Variants in MICU1 observed in about 807,000 individuals in gnomAD.
MICU1 encodes calcium uptake protein 1, mitochondrial.
In MICU1, 45 loss-of-function variants were observed where a neutral mutation model predicts 56.8. The observed-to-expected ratio is 0.79, with a 90% CI of 0.62 to 1.02. MICU1 has a LOEUF of 1.02. Among genes scored for constraint, MICU1 ranks in the 50% least tolerant of loss-of-function variants. The probability of loss-of-function intolerance (pLI) is 0.00; values close to 1 mark genes in which losing one functional copy is unlikely to be tolerated. For missense variants in MICU1, 504 were observed against 587.1 expected (o/e 0.86, Z 1.46); for synonymous variants, 186 against 195.1 (o/e 0.95, Z 0.39).
intron 11 of MICU1, among the ~76,000 whole-genome samples, chr10:72,375,212 T>C (rs1432879115): frequency 1.3e-5 from 2 of 152,116 alleles, no homozygotes; most frequent in African/African-American, 2.4e-5. Flanking sequence ...ATAGTAAGCA[T>C]TGAAAAAGTG....
intron 1 of MICU1, among the ~76,000 whole-genome samples, chr10:72,576,813 T>A (rs912044189): frequency 6.6e-5 from 10 of 152,228 alleles, no homozygotes; most frequent in African/African-American, 7.2e-5. Context: ...TAGGGGCTAA[T>A]GTACCTAGTG....
chr10:72,502,583 A>G (rs1867115497), intron 6 of MICU1, among the ~76,000 whole-genome samples: 1 of 152,178 alleles, frequency 6.6e-6, no homozygotes, highest in Admixed American at 6.5e-5. Flanking sequence ...GTAACAGATG[A>G]ATGCATATGC....
At chr10:72,456,058 TA>T (rs1360365821) in intron 8 of MICU1, among the ~76,000 whole-genome samples, 1 of 152,182 alleles carries the variant, frequency 6.6e-6, no homozygotes, top group African/African-American at 2.4e-5. Context: ...CTCTATTCAC[TA>T]GACTCAAAGC....
chr10:72,404,246 A>C (rs1863557226), intron 10 of MICU1, among the ~76,000 whole-genome samples: 1 of 152,016 alleles, frequency 6.6e-6, no homozygotes, highest in African/African-American at 2.4e-5. Flanking sequence ...CACCTTCCAA[A>C]GTGCTGGAAT....
At chr10:72,467,886 A>T (rs1286721977) in intron 8 of MICU1, 1 of 148,198 alleles carries the variant, frequency 6.7e-6, no homozygotes, top group Non-Finnish European at 1.5e-5. Context: ...ATGAGACTGG[A>T]GTGCAATGGC....
At chr10:72,423,083 C>T in intron 9 of MICU1, 151 bp downstream of exon 9, 1 of 1,058,690 alleles carries the variant, frequency 9.4e-7, no homozygotes, top group South Asian at 1.8e-5. Flanking sequence ...TTGCTTATTT[C>T]TTTTCTCCCT....
intron 6 of MICU1, among the ~76,000 whole-genome samples, chr10:72,488,593 C>A (rs1160797600): frequency 6.6e-6 from 1 of 152,128 alleles, no homozygotes; most frequent in Non-Finnish European, 1.5e-5. Context: ...AGAATTGCTA[C>A]TAGCAATAAC....
At chr10:72,464,459 G>C (rs1276360775) in intron 8 of MICU1, among the ~76,000 whole-genome samples, 1 of 152,132 alleles carries the variant, frequency 6.6e-6, no homozygotes, top group Admixed American at 6.6e-5. Flanking sequence ...CAAGGAGAAA[G>C]CAGTACATGT....
chr10:72,425,334 A>G (rs1253803167), intron 8 of MICU1, among the ~76,000 whole-genome samples: 1 of 152,240 alleles, frequency 6.6e-6, no homozygotes, highest in Non-Finnish European at 1.5e-5. Flanking sequence ...TTCATGGTTG[A>G]AAAGTTTCTT....
chr10:72,542,560 A>C (rs1047364570), intron 4 of MICU1, among the ~76,000 whole-genome samples: 5 of 152,172 alleles, frequency 3.3e-5, no homozygotes, highest in Non-Finnish European at 7.4e-5. Context: ...AGCAGGAGCA[A>C]ACGCCGTACG....
At chr10:72,514,461 C>T (rs912400858) in intron 5 of MICU1, among the ~76,000 whole-genome samples, 2 of 152,002 alleles carry the variant, frequency 1.3e-5, no homozygotes, top group Admixed American at 6.6e-5. Context: ...GCATTCTTCC[C>T]CTTCCTCAGG....
At chr10:72,415,834 A>T (rs895795151) in intron 9 of MICU1, among the ~76,000 whole-genome samples, 11 of 152,222 alleles carry the variant, frequency 7.2e-5, no homozygotes, top group African/African-American at 2.7e-4. Flanking sequence ...ATTAGTAAGA[A>T]GGCTATGGAC....
intron 5 of MICU1, among the ~76,000 whole-genome samples, chr10:72,526,260 T>C (rs915693327): frequency 1.3e-5 from 2 of 152,178 alleles, no homozygotes; most frequent in African/African-American, 4.8e-5. Context: ...GGATATGAAA[T>C]GTTGAATTTG....
chr10:72,523,949 AT>A, intron 5 of MICU1: 1 of 1,417,952 alleles, frequency 7.1e-7, no homozygotes, highest in South Asian at 1.6e-5. Flanking sequence ...TAGGTGTCCC[AT>A]TTGTTTCCCC....
intron 10 of MICU1, among the ~76,000 whole-genome samples, chr10:72,377,142 C>T (rs533594188): frequency 8.0e-4 from 120 of 150,842 alleles, no homozygotes; most frequent in African/African-American, 2.6e-3. Context: ...TTTTTTGAGA[C>T]AGAGTCTTAC....
chr10:72,388,662 C>T (rs1182829041), intron 10 of MICU1, among the ~76,000 whole-genome samples: 1 of 152,146 alleles, frequency 6.6e-6, no homozygotes, highest in Non-Finnish European at 1.5e-5. Context: ...TTCATTCTCA[C>T]CCTAAGAATG....
chr10:72,443,731 G>A (rs1212448052), intron 8 of MICU1, among the ~76,000 whole-genome samples: 1 of 152,128 alleles, frequency 6.6e-6, no homozygotes. Context: ...AACAGGTGCT[G>A]GAGAGGATGT....
intron 11 of MICU1, among the ~76,000 whole-genome samples, chr10:72,372,817 G>T (rs913425743): frequency 6.6e-6 from 1 of 151,894 alleles, no homozygotes; most frequent in Non-Finnish European, 1.5e-5. Context: ...ACTCCAGCCT[G>T]GGCAACAAGA....
chr10:72,587,173 A>T, intron 1 of MICU1, among the ~76,000 whole-genome samples: 1 of 152,224 alleles, frequency 6.6e-6, no homozygotes, highest in East Asian at 1.9e-4. Flanking sequence ...AGTAAAAGTA[A>T]GTCTACATTA....
Sources: allele counts gnomAD v4.1 joint callset (sites outside exome capture counted in the v4.1 genomes callset), GRCh38; gene constraint gnomAD v4.1.1; transcripts MANE v1.5; gene names NCBI Gene and HGNC (gene_info 2026-07-23, HGNC 2026-07-21).